Variants in GPHN observed in about 807,000 individuals in gnomAD.
The protein encoded by GPHN is gephyrin.
GPHN carries 17 observed loss-of-function variants against 95.5 expected under a neutral mutation model. The observed-to-expected ratio is 0.18, with a 90% CI of 0.12 to 0.27. GPHN has a LOEUF of 0.27. GPHN is among the 10% of genes least tolerant of loss of function. The probability of loss-of-function intolerance (pLI) is 1.00; values close to 1 mark genes in which losing one functional copy is unlikely to be tolerated. For synonymous variants in GPHN, 320 were observed against 322.5 expected (o/e 0.99, Z 0.08); for missense variants, 660 against 978.1 (o/e 0.67, Z 4.34).
At chr14:66,919,773 TTAAG>T (rs2066108644) in intron 6 of GPHN, among the ~76,000 whole-genome samples, 1 of 152,120 alleles carries the variant, frequency 6.6e-6, no homozygotes, top group Non-Finnish European at 1.5e-5. Flanking sequence ...GGATTAAAGA[TTAAG>T]TAGATTTGGC....
chr14:67,524,540 G>A, the GPHN span, among the ~76,000 whole-genome samples: 1 of 152,036 alleles, frequency 6.6e-6, no homozygotes, highest in African/African-American at 2.4e-5. Flanking sequence ...CCTGCAGTCC[G>A]ACCAATGGAC....
intron 9 of GPHN, among the ~76,000 whole-genome samples, chr14:67,005,824 G>T (rs2072568432): frequency 1.3e-5 from 2 of 151,740 alleles, no homozygotes; most frequent in East Asian, 3.9e-4. Context: ...CACAGTAAGG[G>T]TTATTATATA....
the GPHN span, among the ~76,000 whole-genome samples, chr14:67,635,050 G>C: frequency 1.3e-5 from 2 of 152,124 alleles, no homozygotes; most frequent in African/African-American, 4.8e-5. Context: ...TTTGAGACCA[G>C]CCTCGGTAAA....
intron 9 of GPHN, among the ~76,000 whole-genome samples, chr14:67,013,580 G>A (rs991673406): frequency 2.6e-4 from 40 of 152,024 alleles, no homozygotes; most frequent in African/African-American, 8.4e-4. Context: ...TATATTTCTC[G>A]AAGAAACTTT....
At chr14:66,509,078 A>T (rs1190864781) in intron 1 of GPHN, 2 of 199,146 alleles carry the variant, frequency 1.0e-5, no homozygotes, top group South Asian at 9.1e-5. Flanking sequence ...GCTTGCCTGG[A>T]CGAGACTCAG....
chr14:66,904,319 C>T (rs536765940), intron 5 of GPHN, among the ~76,000 whole-genome samples: 67 of 152,190 alleles, frequency 4.4e-4, no homozygotes, highest in Non-Finnish European at 7.6e-4. Flanking sequence ...TTATTTGTCC[C>T]CGCCCATGTC....
chr14:67,211,378 A>G, the GPHN span, among the ~76,000 whole-genome samples: 1 of 152,166 alleles, frequency 6.6e-6, no homozygotes, highest in East Asian at 1.9e-4. Flanking sequence ...ACCACACAGG[A>G]TGTCTGAAGT....
intron 2 of GPHN, among the ~76,000 whole-genome samples, chr14:66,776,101 A>T (rs2059372590): frequency 6.6e-6 from 1 of 152,208 alleles, no homozygotes; most frequent in Admixed American, 6.5e-5. Context: ...ATAAAAAGTA[A>T]AAAGCTATGA....
At chr14:67,434,614 A>G in the GPHN span, among the ~76,000 whole-genome samples, 3 of 152,200 alleles carry the variant, frequency 2.0e-5, no homozygotes, top group Non-Finnish European at 4.4e-5. Flanking sequence ...ACCACAGACC[A>G]TGAGAACATT....
the GPHN span, chr14:67,473,492 G>C: frequency 1.2e-6 from 2 of 1,614,204 alleles, no homozygotes. The surrounding 1 kb of genome is among the most constrained non-coding windows in gnomAD (Gnocchi z 6.5). Context: ...CGTCCTTGTC[G>C]AAGCGGAGGC....
chr14:66,558,949 C>T (rs1474055806), intron 1 of GPHN, among the ~76,000 whole-genome samples: 2 of 146,288 alleles, frequency 1.4e-5, no homozygotes. Flanking sequence ...CATGTGTTCT[C>T]ATTGTTCAAT....
intron 2 of GPHN, among the ~76,000 whole-genome samples, chr14:66,711,736 C>T (rs183576253): frequency 1.0e-3 from 154 of 151,582 alleles, no homozygotes; most frequent in African/African-American, 3.6e-3. Flanking sequence ...GCTATCCCTC[C>T]CCCAGCCCCC....
At chr14:67,295,715 T>C in the GPHN span, among the ~76,000 whole-genome samples, 2 of 152,214 alleles carry the variant, frequency 1.3e-5, no homozygotes, top group African/African-American at 4.8e-5. Flanking sequence ...CTGTCAGTAT[T>C]GTTTGTGAAC....
At chr14:66,966,843 AG>A (rs1360176944) in intron 9 of GPHN, among the ~76,000 whole-genome samples, 2 of 151,956 alleles carry the variant, frequency 1.3e-5, no homozygotes, top group Non-Finnish European at 2.9e-5. Flanking sequence ...AATTATACAT[AG>A]TAGTTCTTGA....
chr14:67,481,273 C>A, the GPHN span, among the ~76,000 whole-genome samples: 1 of 152,012 alleles, frequency 6.6e-6, no homozygotes, highest in East Asian at 1.9e-4. Context: ...ATGAGCAAGA[C>A]CCTGTCTCTT....
chr14:67,375,911 G>A, the GPHN span, among the ~76,000 whole-genome samples: 51 of 152,292 alleles, frequency 3.3e-4, no homozygotes, highest in African/African-American at 1.2e-3. Context: ...TGTTAAAATG[G>A]AAGAGTTATT....
At chr14:67,302,506 G>A in the GPHN span, 8 of 1,596,552 alleles carry the variant, frequency 5.0e-6, no homozygotes, top group Non-Finnish European at 8.5e-7. Flanking sequence ...TGAAGGAGAT[G>A]AAGTTCTAGA....
chr14:67,658,462 T>C, the GPHN span, among the ~76,000 whole-genome samples: 1 of 151,546 alleles, frequency 6.6e-6, no homozygotes, highest in Non-Finnish European at 1.5e-5. Context: ...CCGGGCGTGG[T>C]GGTGGGCGCC....
chr14:66,586,390 T>C (rs1240701081), intron 1 of GPHN, among the ~76,000 whole-genome samples: 1 of 152,206 alleles, frequency 6.6e-6, no homozygotes, highest in Non-Finnish European at 1.5e-5. Flanking sequence ...CATTTACATT[T>C]AAGGTTAGTA....
Sources: gnomAD v4.1 joint callset for allele counts (sites outside exome capture counted in the v4.1 genomes callset) on GRCh38, gnomAD v4.1.1 for gene constraint, Gnocchi (gnomAD v3.1) non-coding constraint, MANE v1.5 for transcripts, NCBI Gene and HGNC (gene_info 2026-07-23, HGNC 2026-07-21) for gene names.